The following FOXK1 variants were observed in gnomAD, a reference collection of about 807,000 sequenced individuals.
The protein encoded by FOXK1 is forkhead box protein K1.
In FOXK1, 19 loss-of-function variants were observed where a neutral mutation model predicts 51.9. That is an observed-to-expected ratio of 0.37 (90% CI 0.26 to 0.54). The LOEUF is 0.54. FOXK1 is among the 20% of genes least tolerant of loss of function. The pLI is 0.87. For missense variants in FOXK1, 870 were observed against 1,032.7 expected, an observed-to-expected ratio of 0.84 and a Z score of 2.16; for synonymous variants, 537 against 482.6, an observed-to-expected ratio of 1.11 and a Z score of -1.48.
rs2115065355 is a variant in FOXK1, at chr7:4,747,273, T to C, written c.746+6250T>C. 6.6e-6 allele frequency among the ~76,000 whole-genome samples: 1 copy of C among 150,958 alleles called. No homozygotes were observed. The highest frequency in any genetic ancestry group is 1.5e-5 in the Non-Finnish European group (1 of 67,310). On this transcript the variant is annotated intron_variant, in intron 2 of 8. Coordinates refer to ENST00000328914, the MANE Select transcript of FOXK1 (RefSeq NM_001037165.2). This position sits in a 1 kb window ranked among gnomAD's most constrained non-coding sequence, Gnocchi z 9.2. ...CGCACGAGGACAGCCCTTTCCGGGT[T>C]CCATGAGCCTCAGGGGAAGCAGGAG...
At chr7:4,696,564 G>A (rs1779954761) in intron 1 of FOXK1, among the ~76,000 whole-genome samples, 1 of 152,182 alleles carries the variant, frequency 6.6e-6, no homozygotes, top group South Asian at 2.1e-4. Flanking sequence ...GTGAATACCG[G>A]GTATCTCCGT....
At position 4,766,472 on chromosome 7, in the gene FOXK1, G is replaced by C. The variant is rs1781012355; in HGVS notation, c.*4008G>C. The C allele has an allele frequency of 6.6e-6, 1 of 152,220 alleles. No homozygotes were observed. Among genetic ancestry groups the C allele is most frequent in the Non-Finnish European group, 1.5e-5 (1 of 68,060 alleles). 9.4% of individuals were successfully genotyped at this position (152,220 alleles called of 1,614,324 possible). A position where few individuals can be genotyped will look rare whatever the true frequency, so the allele number is the denominator to read the frequency against. On this transcript the variant is annotated 3_prime_UTR_variant, in exon 9 of 9. Transcript: ENST00000328914. This position sits in a 1 kb window ranked among gnomAD's most constrained non-coding sequence, Gnocchi z 5.5. ...CACTTTCCTTCCCGAGGTCTGGTAG[G>C]TCCTCTTTGGGATTTGCTGTTTATT...
chr7:4,682,929 G>C lies in FOXK1; in HGVS notation c.560+61G>C. 7.2e-7 allele frequency: 1 copy of C among 1,389,774 alleles called. No individual in the cohort carries two copies. 86.1% of individuals were successfully genotyped at this position (1,389,774 alleles called of 1,614,324 possible). A position where few individuals can be genotyped will look rare whatever the true frequency, so the allele number is the denominator to read the frequency against. The stretch of plus-strand genomic sequence containing the variant: ...GGGCTCGCCCACGACCTCGATCTCT[G>C]AGGCCCGGGCCTGGGGATCCCCCTC... On this transcript the variant is annotated intron_variant, in intron 1 of 8. Transcript: ENST00000328914. This position sits in a 1 kb window ranked among gnomAD's most constrained non-coding sequence, Gnocchi z 7.6.
At position 4,757,063 on chromosome 7, in the gene FOXK1, G is replaced by A; in HGVS notation, c.1120G>A (p.Gly374Arg). 6 of 1,613,916 alleles carry A rather than the reference G, an allele frequency of 3.7e-6. No homozygotes were observed. Among genetic ancestry groups the A allele is most frequent in the Non-Finnish European group, 5.1e-6 (6 of 1,180,000 alleles). ...IKVPRSQEEP[G>R]KGSFWRIDPA... ...AGTCCCACGTTCCCAGGAGGAGCCT[G>A]GGAAGGGGTCCTTTTGGCGAATAGA... The change falls in exon 5 of 9, where the codon GGG (glycine) becomes AGG (arginine). Residue 374 changes from glycine to arginine, a missense_variant. Transcript: ENST00000328914.
At chr7:4,705,772 C>T (rs570504360) in intron 1 of FOXK1, among the ~76,000 whole-genome samples, 2 of 138,288 alleles carry the variant, frequency 1.4e-5, no homozygotes, top group African/African-American at 3.3e-5. Context: ...CTCCCAACCT[C>T]GTGACCCCCC....
In FOXK1 at chr7:4,733,929, G is replaced by A. The variant is rs913591979; in HGVS notation, c.561-6909G>A. Among the ~76,000 whole-genome samples, 2 of 152,144 alleles carry A rather than the reference G, an allele frequency of 1.3e-5. No individual in the cohort carries two copies. The highest frequency in any genetic ancestry group is 2.4e-5 in the African/African-American group (1 of 41,426). ...AAGCCACAGGGACCTCCCAGCACGC[G>A]CCAACCCTGGACTTCCCCCAGAGCT... On this transcript the variant is annotated intron_variant, in intron 1 of 8. Coordinates refer to ENST00000328914, the MANE Select transcript of FOXK1 (RefSeq NM_001037165.2). This position sits in a 1 kb window ranked among gnomAD's most constrained non-coding sequence, Gnocchi z 5.0.
rs1780713541 is a variant in FOXK1, at chr7:4,747,154, G to A, written c.746+6131G>A. On this transcript the variant is annotated intron_variant, in intron 2 of 8. Coordinates refer to ENST00000328914, the MANE Select transcript of FOXK1 (RefSeq NM_001037165.2). The surrounding 1 kb of genome is among the most constrained non-coding windows in gnomAD (Gnocchi z 9.2). Reference sequence around the variant, plus strand: ...CACGCCCGCGTTTCCTGTAATCTCGGAGGGTCCTAGCGCCCGACTTCTCAG... The same window carrying A: ...CACGCCCGCGTTTCCTGTAATCTCGAAGGGTCCTAGCGCCCGACTTCTCAG... 6.6e-6 allele frequency among the ~76,000 whole-genome samples: 1 copy of A among 152,232 alleles called. No homozygotes were observed. Among genetic ancestry groups the A allele is most frequent in the Non-Finnish European group, 1.5e-5 (1 of 68,052 alleles).
chr7:4,690,314 G>C (rs113842437), intron 1 of FOXK1, among the ~76,000 whole-genome samples: 1 of 152,232 alleles, frequency 6.6e-6, no homozygotes, highest in East Asian at 1.9e-4. Flanking sequence ...GTTTCAGTCC[G>C]GTTGTATCTT....
intron 1 of FOXK1, among the ~76,000 whole-genome samples, chr7:4,727,551 GT>G (rs1780396436): frequency 6.6e-6 from 1 of 152,200 alleles, no homozygotes; most frequent in Non-Finnish European, 1.5e-5. Flanking sequence ...CTGACCTCAG[GT>G]GATCCTCCTG....
intron 3 of FOXK1, 74 bp downstream of exon 3, chr7:4,754,689 C>T: frequency 1.3e-6 from 2 of 1,511,522 alleles, no homozygotes; most frequent in Non-Finnish European, 8.9e-7. Context: ...GCGGGCGGCA[C>T]AGACAGCCCA....
intron 3 of FOXK1, 80 bp downstream of exon 3, chr7:4,754,695 G>A: frequency 1.3e-6 from 2 of 1,496,130 alleles, no homozygotes; most frequent in Non-Finnish European, 9.0e-7. Flanking sequence ...GGCACAGACA[G>A]CCCAGGGCCT....
rs548269126 is a variant in FOXK1 at position 4,709,923 on chromosome 7, C to T, written c.560+27055C>T. On this transcript the variant is annotated intron_variant, in intron 1 of 8. Transcript: ENST00000328914. The surrounding 1 kb of genome is among the most constrained non-coding windows in gnomAD (Gnocchi z 5.6). Reference sequence around the variant, plus strand: ...TGACACGTTTGAACACGGAAGAACACGGAAGCCTGTGTGTTAGGCGTTAAC... The same window carrying T: ...TGACACGTTTGAACACGGAAGAACATGGAAGCCTGTGTGTTAGGCGTTAAC... Among the ~76,000 whole-genome samples the T allele has an allele frequency of 1.3e-5, 2 of 152,308 alleles. No individual in the cohort carries two copies. The highest frequency in any genetic ancestry group is 3.9e-4 in the East Asian group (2 of 5,180).
intron 1 of FOXK1, among the ~76,000 whole-genome samples, chr7:4,685,900 G>A (rs983608474): frequency 2.7e-5 from 4 of 150,802 alleles, no homozygotes; most frequent in African/African-American, 4.9e-5. Flanking sequence ...CTGAGATCAC[G>A]CCACTGCACT....
In FOXK1 at chr7:4,683,811, G is replaced by A. The variant is rs1267388738; in HGVS notation, c.560+943G>A. On this transcript the variant is annotated intron_variant, in intron 1 of 8. Transcript: ENST00000328914. The surrounding 1 kb of genome is among the most constrained non-coding windows in gnomAD (Gnocchi z 4.5). ...CACACTCACCCAGGACAGTGGGAGG[G>A]TGTTGCTCCGGGAAGTGCGAGGTCC... 6.6e-6 allele frequency among the ~76,000 whole-genome samples: 1 copy of A among 152,230 alleles called. No individual in the cohort carries two copies. Among genetic ancestry groups the A allele is most frequent in the Non-Finnish European group, 1.5e-5 (1 of 68,036 alleles).
chr7:4,689,847 G>GC (rs1779870026), intron 1 of FOXK1, among the ~76,000 whole-genome samples: 1 of 152,150 alleles, frequency 6.6e-6, no homozygotes, highest in South Asian at 2.1e-4. Flanking sequence ...CCTTGTCACT[G>GC]CCCTCACCCA....
At chr7:4,759,855 A>C in intron 7 of FOXK1, 3 of 548,076 alleles carry the variant, frequency 5.5e-6, no homozygotes, top group South Asian at 2.4e-5. Flanking sequence ...ACATACTGAA[A>C]CCCCGTCTCT....
At chr7:4,691,130 G>A (rs1472998200) in intron 1 of FOXK1, among the ~76,000 whole-genome samples, 1 of 152,178 alleles carries the variant, frequency 6.6e-6, no homozygotes, top group East Asian at 1.9e-4. Flanking sequence ...GTGGCGTGCT[G>A]CCAGGAATCG....
chr7:4,694,575 C>A (rs1042495848), intron 1 of FOXK1, among the ~76,000 whole-genome samples: 1 of 152,240 alleles, frequency 6.6e-6, no homozygotes, highest in Non-Finnish European at 1.5e-5. Flanking sequence ...CAGACCCCAA[C>A]AGTGCCCTCT....
At chr7:4,724,378 G>A (rs1362726469) in intron 1 of FOXK1, among the ~76,000 whole-genome samples, 1 of 151,970 alleles carries the variant, frequency 6.6e-6, no homozygotes, top group African/African-American at 2.4e-5. Context: ...GTATTTTTTT[G>A]TAGAGACGGA....
Sources: gnomAD v4.1 joint callset for allele counts (sites outside exome capture counted in the v4.1 genomes callset) on GRCh38, gnomAD v4.1.1 for gene constraint, Gnocchi (gnomAD v3.1) non-coding constraint, MANE v1.5 for transcripts, NCBI Gene and HGNC (gene_info 2026-07-23, HGNC 2026-07-21) for gene names.